The following WDR70 variants were observed in gnomAD, a reference collection of about 807,000 sequenced individuals.
The protein encoded by WDR70 is WD repeat domain 70.
Under a neutral mutation model 88.6 loss-of-function variants are expected in WDR70, and 53 were observed. The observed-to-expected ratio is 0.60, with a 90% CI of 0.48 to 0.75. The LOEUF is 0.75. Among genes scored for constraint, WDR70 ranks in the 30% least tolerant of loss-of-function variants. The pLI is 0.00. For synonymous variants in WDR70, 280 were observed against 270.0 expected, an observed-to-expected ratio of 1.04 and a Z score of -0.36; for missense variants, 610 against 823.2, an observed-to-expected ratio of 0.74 and a Z score of 3.17.
At chr5:37,392,255 C>A in intron 4 of WDR70, 135 bp downstream of exon 4, 2 of 1,006,530 alleles carry the variant, frequency 2.0e-6, no homozygotes, top group Non-Finnish European at 1.4e-6. Flanking sequence ...GTGATCTTGG[C>A]TGACTGTAAC....
chr5:37,403,931 G>T (rs1350998539), intron 5 of WDR70, among the ~76,000 whole-genome samples: 1 of 151,982 alleles, frequency 6.6e-6, no homozygotes, highest in African/African-American at 2.4e-5. Context: ...TTTGTAGAGT[G>T]GGGTCTTGCT....
At chr5:37,548,042 A>G (rs1345896442) in intron 9 of WDR70, among the ~76,000 whole-genome samples, 1 of 152,076 alleles carries the variant, frequency 6.6e-6, no homozygotes, top group Non-Finnish European at 1.5e-5. Context: ...TTATCCATTC[A>G]TCTGTTGATG....
chr5:37,647,912 A>G (rs1024211471), intron 10 of WDR70, among the ~76,000 whole-genome samples: 2 of 152,096 alleles, frequency 1.3e-5, no homozygotes, highest in African/African-American at 2.4e-5. Flanking sequence ...GGGTGCAGGA[A>G]AAACTACCGT....
chr5:37,670,210 G>T (rs1425032879), intron 10 of WDR70, among the ~76,000 whole-genome samples: 1 of 141,798 alleles, frequency 7.1e-6, no homozygotes, highest in African/African-American at 2.5e-5. Context: ...TATATCAAAA[G>T]AAAAGAAAAA....
At chr5:37,387,539 T>C (rs900018218) in intron 3 of WDR70, among the ~76,000 whole-genome samples, 8 of 152,200 alleles carry the variant, frequency 5.3e-5, no homozygotes, top group African/African-American at 1.9e-4. Context: ...TGAATCTAAA[T>C]TGATTATCTC....
chr5:37,683,670 C>T (rs1403980343), intron 10 of WDR70, among the ~76,000 whole-genome samples: 1 of 152,142 alleles, frequency 6.6e-6, no homozygotes, highest in Non-Finnish European at 1.5e-5. Flanking sequence ...ATATTGGCTC[C>T]CAGTCTCTTC....
rs369525003 is a variant in WDR70 at position 37,443,295 on chromosome 5, C to T, written c.609C>T (p.Asp203=). The part of the protein sequence containing the change: ...SGARLVTGGY[D]YDVKFWDFAG... ...CCCGTTTGGTGACAGGAGGATATGACTATGATGTTAAGTTTTGGGATTTTG... is the reference window on the plus strand; with the variant it reads ...CCCGTTTGGTGACAGGAGGATATGATTATGATGTTAAGTTTTGGGATTTTG... The change falls in exon 7 of 18, where the codon GAC becomes GAT. Residue 203 remains aspartate (D), a synonymous_variant. Transcript: ENST00000265107. 8 of 1,613,824 alleles carry T rather than the reference C, an allele frequency of 5.0e-6. No homozygotes were observed. Among genetic ancestry groups the T allele is most frequent in the Non-Finnish European group, 5.9e-6 (7 of 1,179,852 alleles).
At chr5:37,622,676 G>T (rs1323688953) in intron 10 of WDR70, among the ~76,000 whole-genome samples, 1 of 151,956 alleles carries the variant, frequency 6.6e-6, no homozygotes, top group Non-Finnish European at 1.5e-5. Flanking sequence ...TCACTCATAG[G>T]TGGGAATTGA....
chr5:37,474,214 G>C (rs112872070), intron 7 of WDR70, among the ~76,000 whole-genome samples: 2 of 152,172 alleles, frequency 1.3e-5, no homozygotes, highest in African/African-American at 4.8e-5. Context: ...TTAGGTTTTT[G>C]ACATTTATTG....
At chr5:37,441,231 C>G (rs1750643981) in intron 6 of WDR70, among the ~76,000 whole-genome samples, 1 of 152,184 alleles carries the variant, frequency 6.6e-6, no homozygotes, top group Non-Finnish European at 1.5e-5. Flanking sequence ...ATTTTTAAAA[C>G]TACTATTCAT....
At chr5:37,415,426 C>T (rs1749680896) in intron 5 of WDR70, among the ~76,000 whole-genome samples, 1 of 97,268 alleles carries the variant, frequency 1.0e-5, no homozygotes, top group African/African-American at 2.8e-5. Context: ...CCCCCCACCT[C>T]CCTCCCGGAC....
intron 13 of WDR70, among the ~76,000 whole-genome samples, chr5:37,715,071 G>A (rs1180617123): frequency 6.6e-6 from 1 of 152,052 alleles, no homozygotes; most frequent in Non-Finnish European, 1.5e-5. Context: ...CTGTAAATGA[G>A]TTATTTTAGT....
At chr5:37,391,220 C>T (rs1289664615) in intron 3 of WDR70, among the ~76,000 whole-genome samples, 1 of 151,974 alleles carries the variant, frequency 6.6e-6, no homozygotes, top group South Asian at 2.1e-4. Flanking sequence ...TAATTTCGTT[C>T]AATTCTTTTA....
chr5:37,567,927 A>G (rs1226664708), intron 9 of WDR70, among the ~76,000 whole-genome samples: 1 of 152,172 alleles, frequency 6.6e-6, no homozygotes, highest in East Asian at 1.9e-4. Context: ...AAGTGCACCC[A>G]GTAATATCAC....
At chr5:37,393,577 C>T (rs1430109369) in intron 4 of WDR70, among the ~76,000 whole-genome samples, 1 of 151,810 alleles carries the variant, frequency 6.6e-6, no homozygotes, top group Admixed American at 6.6e-5. Context: ...TCTTTTGTTT[C>T]AAGAAATTAA....
intron 10 of WDR70, among the ~76,000 whole-genome samples, chr5:37,645,436 A>G (rs1490466411): frequency 2.0e-5 from 3 of 152,124 alleles, no homozygotes; most frequent in East Asian, 3.9e-4. Flanking sequence ...AACAAAAAGC[A>G]TATCTGTTCT....
At chr5:37,640,557 A>C (rs1254947311) in intron 10 of WDR70, among the ~76,000 whole-genome samples, 2 of 152,162 alleles carry the variant, frequency 1.3e-5, no homozygotes, top group African/African-American at 4.8e-5. Context: ...CTAGGCTATA[A>C]AGTCTTAAAA....
chr5:37,406,240 G>A (rs1485336421), intron 5 of WDR70, among the ~76,000 whole-genome samples: 1 of 152,080 alleles, frequency 6.6e-6, no homozygotes, highest in East Asian at 1.9e-4. Flanking sequence ...TCCAATCTCT[G>A]ATCCATTAAG....
At chr5:37,388,750 A>AC (rs1554136070) in intron 3 of WDR70, among the ~76,000 whole-genome samples, 1 of 147,268 alleles carries the variant, frequency 6.8e-6, no homozygotes, top group South Asian at 2.1e-4. Context: ...AAAAAAAAAA[A>AC]CAAAAAGAAA....
Sources: allele counts gnomAD v4.1 joint callset (sites outside exome capture counted in the v4.1 genomes callset), GRCh38; gene constraint gnomAD v4.1.1; transcripts MANE v1.5; gene names NCBI Gene and HGNC (gene_info 2026-07-23, HGNC 2026-07-21).